Variants in RBFOX3 observed in about 807,000 individuals in gnomAD.
RBFOX3 encodes the protein RNA binding fox-1 homolog 3.
In RBFOX3, 17 loss-of-function variants were observed where a neutral mutation model predicts 48.7. The observed-to-expected ratio is 0.35, with a 90% CI of 0.24 to 0.52. The LOEUF (loss-of-function observed/expected upper bound fraction) is 0.52, where lower values mean the gene tolerates loss of function less well. RBFOX3 is among the 20% of genes least tolerant of loss of function. The probability of loss-of-function intolerance (pLI) is 0.94; values close to 1 mark genes in which losing one functional copy is unlikely to be tolerated. For synonymous variants in RBFOX3, 212 were observed against 209.5 expected (o/e 1.01, Z -0.10); for missense variants, 382 against 497.5 (o/e 0.77, Z 2.21).
chr17:79,230,655 C>A (rs60989917), intron 4 of RBFOX3, among the ~76,000 whole-genome samples: 8,968 of 152,148 alleles, frequency 0.059, 840 homozygotes, highest in African/African-American at 0.2. Context: ...CCTGCAGAGC[C>A]CTCATCATTG....
chr17:79,344,463 C>T (rs1243992342), intron 2 of RBFOX3, among the ~76,000 whole-genome samples: 1 of 152,196 alleles, frequency 6.6e-6, no homozygotes, highest in African/African-American at 2.4e-5. Context: ...CTGCTGCCCT[C>T]TCCCTCTATC....
chr17:79,110,947 CTA>C (rs1309421028), intron 5 of RBFOX3, among the ~76,000 whole-genome samples: 3 of 151,994 alleles, frequency 2.0e-5, no homozygotes, highest in Non-Finnish European at 4.4e-5. Flanking sequence ...CAGCCACGGC[CTA>C]CCCCTCACCC....
intron 3 of RBFOX3, among the ~76,000 whole-genome samples, chr17:79,288,385 C>A (rs959525758): frequency 1.7e-4 from 26 of 152,186 alleles, no homozygotes; most frequent in African/African-American, 6.3e-4. Context: ...AGAAAGTCCT[C>A]CCATGACTGG....
At chr17:79,148,333 T>G (rs1456819154) in intron 4 of RBFOX3, among the ~76,000 whole-genome samples, 1 of 152,210 alleles carries the variant, frequency 6.6e-6, no homozygotes, top group Non-Finnish European at 1.5e-5. Context: ...CTTTCCTGGC[T>G]TGGGGCGGGT....
chr17:79,375,591 C>A (rs1192786745), intron 2 of RBFOX3, among the ~76,000 whole-genome samples: 1 of 152,174 alleles, frequency 6.6e-6, no homozygotes. Context: ...GTGGGACACA[C>A]AGGTGTGCAA....
intron 2 of RBFOX3, among the ~76,000 whole-genome samples, chr17:79,463,540 C>G (rs1381352611): frequency 1.4e-5 from 2 of 144,546 alleles, no homozygotes; most frequent in Non-Finnish European, 3.0e-5. Flanking sequence ...CTGCCACCTC[C>G]ACCACCATCA....
At chr17:79,405,058 G>A (rs760661839) in intron 2 of RBFOX3, among the ~76,000 whole-genome samples, 1 of 152,210 alleles carries the variant, frequency 6.6e-6, no homozygotes, top group Non-Finnish European at 1.5e-5. Flanking sequence ...AATCACCACA[G>A]TGAAGCATGT....
At chr17:79,274,243 G>T (rs2068294718) in intron 3 of RBFOX3, among the ~76,000 whole-genome samples, 1 of 152,176 alleles carries the variant, frequency 6.6e-6, no homozygotes, top group Non-Finnish European at 1.5e-5. Context: ...ATGGGGGTTG[G>T]ATATCAGGAT....
chr17:79,379,792 T>C (rs1568144402), intron 2 of RBFOX3, among the ~76,000 whole-genome samples: 1 of 152,060 alleles, frequency 6.6e-6, no homozygotes, highest in African/African-American at 2.4e-5. Context: ...TGTTTCATGA[T>C]TTCAGGCCCC....
Position 79,205,638 on chromosome 17 carries a change from A to G in RBFOX3, c.-34+30128T>C, listed in dbSNP as rs780145815. Reference sequence around the variant, plus strand: ...TCCTTGTTCAATTCACCTACAAAACAGAACCCTACAAAAACCAGATGAATC... The same window carrying G: ...TCCTTGTTCAATTCACCTACAAAACGGAACCCTACAAAAACCAGATGAATC... On this transcript the variant is annotated intron_variant, in intron 4 of 14. Coordinates refer to ENST00000693108, the MANE Select transcript of RBFOX3 (RefSeq NM_001350451.2). This position sits in a 1 kb window ranked among gnomAD's most constrained non-coding sequence, Gnocchi z 4.5. Among the ~76,000 whole-genome samples the G allele has an allele frequency of 3.9e-5, 6 of 152,208 alleles. No homozygotes were observed. Among genetic ancestry groups the G allele is most frequent in the Non-Finnish European group, 8.8e-5 (6 of 68,044 alleles).
At chr17:79,520,439 C>T (rs928598120) in intron 1 of RBFOX3, among the ~76,000 whole-genome samples, 3 of 152,176 alleles carry the variant, frequency 2.0e-5, no homozygotes, top group African/African-American at 7.2e-5. Flanking sequence ...CCCTCCTGTG[C>T]GCACGTGCCA....
At chr17:79,382,852 C>A (rs2060094939) in intron 2 of RBFOX3, among the ~76,000 whole-genome samples, 1 of 152,142 alleles carries the variant, frequency 6.6e-6, no homozygotes, top group Non-Finnish European at 1.5e-5. Flanking sequence ...ATCAGGGGAG[C>A]CTGAATGGGG....
intron 1 of RBFOX3, among the ~76,000 whole-genome samples, chr17:79,520,682 G>C (rs2085933855): frequency 6.6e-6 from 1 of 152,224 alleles, no homozygotes; most frequent in Non-Finnish European, 1.5e-5. Context: ...CTGCAAAGAG[G>C]CCAGCACCTG....
intron 1 of RBFOX3, among the ~76,000 whole-genome samples, chr17:79,512,066 T>C (rs1377163180): frequency 4.7e-5 from 3 of 64,516 alleles, no homozygotes; most frequent in African/African-American, 1.3e-4. Context: ...CCAGGGGATA[T>C]ACACCCGGAT....
At chr17:79,222,794 C>T (rs2059887992) in intron 4 of RBFOX3, among the ~76,000 whole-genome samples, 1 of 152,214 alleles carries the variant, frequency 6.6e-6, no homozygotes, top group Non-Finnish European at 1.5e-5. Flanking sequence ...CAGCATGGTG[C>T]AGATGCCCAA....
At chr17:79,410,867 C>A (rs2064218202) in intron 2 of RBFOX3, among the ~76,000 whole-genome samples, 1 of 152,194 alleles carries the variant, frequency 6.6e-6, no homozygotes, top group Non-Finnish European at 1.5e-5. Context: ...CCCCGCCATA[C>A]CAGCTGCTCA....
intron 2 of RBFOX3, among the ~76,000 whole-genome samples, chr17:79,389,399 C>T (rs997141381): frequency 1.3e-5 from 2 of 152,188 alleles, no homozygotes; most frequent in African/African-American, 4.8e-5. Context: ...GACTTCTCCC[C>T]GTCAGTAATG....
the RBFOX3 span, among the ~76,000 whole-genome samples, chr17:79,659,640 G>A: frequency 6.6e-6 from 1 of 152,288 alleles, no homozygotes; most frequent in African/African-American, 2.4e-5. Context: ...ACTCCCCAGA[G>A]ACTGATCCAG....
rs1019805741 is a variant in RBFOX3, at chr17:79,605,535, C to T, written c.-320+5291G>A. Among the ~76,000 whole-genome samples, 111 of 152,288 alleles carry T rather than the reference C, an allele frequency of 7.3e-4. 1 individual carries two copies. The highest frequency in any genetic ancestry group is 2.1e-3 in the African/African-American group (89 of 41,578). On this transcript the variant is annotated intron_variant, in intron 1 of 14. Transcript: ENST00000693108. ...CTGCGCATACAGAGCTGATGACCAG[C>T]GGTGGGTCCAGTAGGGAGACGGCCA...
Sources: gnomAD v4.1 joint callset for allele counts (sites outside exome capture counted in the v4.1 genomes callset) on GRCh38, gnomAD v4.1.1 for gene constraint, Gnocchi (gnomAD v3.1) non-coding constraint, MANE v1.5 for transcripts, NCBI Gene and HGNC (gene_info 2026-07-23, HGNC 2026-07-21) for gene names.